Variants in KCNIP4 observed in about 807,000 individuals in gnomAD.
The protein encoded by KCNIP4 is potassium voltage-gated channel interacting protein 4.
A neutral mutation model predicts 34.0 loss-of-function variants in KCNIP4; 12 were observed. The observed-to-expected ratio is 0.35, with a 90% confidence interval of 0.23 to 0.57. The LOEUF is 0.57. Ranked by LOEUF, KCNIP4 falls within the 20% of genes least tolerant of loss-of-function variation. KCNIP4 has a pLI of 0.83. For synonymous variants in KCNIP4, 124 were observed against 102.2 expected, an observed-to-expected ratio of 1.21 and a Z score of -1.29; for missense variants, 238 against 311.7, an observed-to-expected ratio of 0.76 and a Z score of 1.78.
intron 1 of KCNIP4, among the ~76,000 whole-genome samples, chr4:20,957,478 G>A (rs1032163881): frequency 6.6e-6 from 1 of 152,070 alleles, no homozygotes; most frequent in Non-Finnish European, 1.5e-5. Context: ...AGCTGATCAG[G>A]AATTTAAGCC....
chr4:21,886,758 T>C (rs1439826025), intron 1 of KCNIP4, among the ~76,000 whole-genome samples: 1 of 152,194 alleles, frequency 6.6e-6, no homozygotes, highest in African/African-American at 2.4e-5. Context: ...ATGCACCTGA[T>C]ACCTGTGGCA....
chr4:21,412,061 A>G (rs1377503367), intron 1 of KCNIP4, among the ~76,000 whole-genome samples: 1 of 152,172 alleles, frequency 6.6e-6, no homozygotes, highest in African/African-American at 2.4e-5. Context: ...GAAGTACTCT[A>G]CCATGTAAGA....
At chr4:21,655,400 A>G (rs1747842401) in intron 1 of KCNIP4, among the ~76,000 whole-genome samples, 1 of 152,052 alleles carries the variant, frequency 6.6e-6, no homozygotes, top group African/African-American at 2.4e-5. Context: ...CACATTTTAC[A>G]AGCAGGGAGA....
intron 1 of KCNIP4, among the ~76,000 whole-genome samples, chr4:21,143,763 G>T (rs955002819): frequency 2.6e-5 from 4 of 151,760 alleles, no homozygotes; most frequent in Non-Finnish European, 1.5e-5. Flanking sequence ...GAGTACAGTG[G>T]CATGATCTTG....
chr4:21,767,021 C>T, intron 1 of KCNIP4, among the ~76,000 whole-genome samples: 1 of 152,004 alleles, frequency 6.6e-6, no homozygotes, highest in South Asian at 2.1e-4. Context: ...GTGATCATGG[C>T]AATGAAGAAA....
At chr4:21,475,203 A>AT (rs1326502175) in intron 1 of KCNIP4, among the ~76,000 whole-genome samples, 1 of 152,154 alleles carries the variant, frequency 6.6e-6, no homozygotes, top group Non-Finnish European at 1.5e-5. Context: ...AGGAGAATAT[A>AT]TATATCTCTA....
chr4:20,818,833 T>C (rs1028630182), intron 3 of KCNIP4, among the ~76,000 whole-genome samples: 1 of 152,064 alleles, frequency 6.6e-6, no homozygotes, highest in African/African-American at 2.4e-5. Flanking sequence ...ATATTAAGTA[T>C]TCCAGAATAA....
intron 1 of KCNIP4, among the ~76,000 whole-genome samples, chr4:21,767,186 G>A (rs1331228680): frequency 1.3e-5 from 2 of 152,222 alleles, no homozygotes; most frequent in Admixed American, 1.3e-4. Context: ...ATTATAACTG[G>A]AGCCCAACGA....
chr4:21,324,746 T>C (rs568051563), intron 1 of KCNIP4, among the ~76,000 whole-genome samples: 1 of 152,034 alleles, frequency 6.6e-6, no homozygotes, highest in East Asian at 1.9e-4. Flanking sequence ...TTCTGGGTCT[T>C]TTGTGGTTCC....
At chr4:21,430,179 TTTATC>T (rs1726310580) in intron 1 of KCNIP4, among the ~76,000 whole-genome samples, 1 of 152,156 alleles carries the variant, frequency 6.6e-6, no homozygotes, top group Non-Finnish European at 1.5e-5. Flanking sequence ...TGACATATCT[TTTATC>T]TTAATGAACT....
chr4:20,876,703 T>A (rs956802007), intron 2 of KCNIP4, among the ~76,000 whole-genome samples: 3 of 152,082 alleles, frequency 2.0e-5, no homozygotes, highest in Admixed American at 1.3e-4. Context: ...GCCTTCCAAG[T>A]AGCTGGGACT....
At chr4:20,901,382 A>G (rs2149552387) in intron 1 of KCNIP4, among the ~76,000 whole-genome samples, 1 of 152,204 alleles carries the variant, frequency 6.6e-6, no homozygotes, top group East Asian at 1.9e-4. Flanking sequence ...GCTTGTTAGC[A>G]ATGCAGAATC....
chr4:21,764,286 C>G (rs892754270), intron 1 of KCNIP4, among the ~76,000 whole-genome samples: 1 of 152,004 alleles, frequency 6.6e-6, no homozygotes, highest in Non-Finnish European at 1.5e-5. Flanking sequence ...AAGTTCAGAA[C>G]AGAAAAGGTA....
intron 1 of KCNIP4, among the ~76,000 whole-genome samples, chr4:21,027,122 T>A (rs1471403905): frequency 3.3e-5 from 5 of 152,198 alleles, no homozygotes; most frequent in Admixed American, 1.3e-4. Flanking sequence ...TTGAACAGTT[T>A]GACATAGAGC....
At chr4:21,948,450 G>T in intron 1 of KCNIP4, 121 bp downstream of exon 1, 1 of 1,086,550 alleles carries the variant, frequency 9.2e-7, no homozygotes, top group Non-Finnish European at 1.3e-6. Context: ...CCAGGTGACT[G>T]TGTCTCATGC....
At chr4:21,249,147 C>T (rs1460735929) in intron 1 of KCNIP4, among the ~76,000 whole-genome samples, 1 of 151,996 alleles carries the variant, frequency 6.6e-6, no homozygotes, top group African/African-American at 2.4e-5. Context: ...AAGAAGGGGG[C>T]TAATATTTTC....
intron 1 of KCNIP4, among the ~76,000 whole-genome samples, chr4:21,893,407 T>C (rs1167719081): frequency 6.6e-6 from 1 of 152,192 alleles, no homozygotes; most frequent in East Asian, 1.9e-4. Context: ...TAGTATGTTG[T>C]TCCAACGATG....
At chr4:20,969,871 ATAT>A (rs1372932082) in intron 1 of KCNIP4, among the ~76,000 whole-genome samples, 5 of 151,996 alleles carry the variant, frequency 3.3e-5, no homozygotes, top group African/African-American at 1.2e-4. Context: ...TAGTAATACA[ATAT>A]TATTAAGTTT....
Position 20,744,140 on chromosome 4 carries a change from T to C in KCNIP4, c.429+5522A>G, listed in dbSNP as rs1289674923. 2.0e-5 allele frequency among the ~76,000 whole-genome samples: 3 copies of C among 151,396 alleles called. No homozygotes were observed. In the East Asian group the frequency reaches 5.9e-4, roughly 30 times the overall value. On this transcript the variant is annotated intron_variant, in intron 5 of 8. Transcript: ENST00000382152. Reference sequence around the variant, plus strand: ...AGATGCTGGAGAGGATGTGGAGAAATAGGAACACTTTTGCACTGTTGGTGG... The same window carrying C: ...AGATGCTGGAGAGGATGTGGAGAAACAGGAACACTTTTGCACTGTTGGTGG...
Sources: gnomAD v4.1 joint callset for allele counts (sites outside exome capture counted in the v4.1 genomes callset) on GRCh38, gnomAD v4.1.1 for gene constraint, MANE v1.5 for transcripts, NCBI Gene and HGNC (gene_info 2026-07-23, HGNC 2026-07-21) for gene names.